The following LEP variants were observed in gnomAD, a reference collection of about 807,000 sequenced individuals.
LEP encodes the protein leptin, also known as leptin (murine obesity homolog).
LEP carries 6 observed loss-of-function variants against 9.8 expected under a neutral mutation model. The observed-to-expected ratio is 0.61, with a 90% CI of 0.34 to 1.21. The LOEUF (loss-of-function observed/expected upper bound fraction) is 1.21. Among genes scored for constraint, LEP ranks in the 50% most tolerant of loss-of-function variants. The pLI is 0.04. For missense variants in LEP, 134 were observed against 198.1 expected (o/e 0.68, Z 1.94); for synonymous variants, 112 against 81.7 (o/e 1.37, Z -2.00).
chr7:128,246,636 TA>T (rs71973524), intron 1 of LEP, among the ~76,000 whole-genome samples: 34,197 of 150,936 alleles, frequency 0.23, 4,888 homozygotes, highest in Admixed American at 0.32. Flanking sequence ...TTTTTATTTT[TA>T]TTTTTTTTAG....
chr7:128,244,538 A>G (rs1795189406), intron 1 of LEP, among the ~76,000 whole-genome samples: 1 of 152,252 alleles, frequency 6.6e-6, no homozygotes, highest in South Asian at 2.1e-4. Context: ...ACCCACGGTA[A>G]GGGTGAATTT....
intron 1 of LEP, among the ~76,000 whole-genome samples, chr7:128,243,864 A>G (rs529546177): frequency 6.6e-6 from 1 of 152,298 alleles, no homozygotes; most frequent in East Asian, 1.9e-4. Context: ...GTACAGAGAT[A>G]CAGGTGTCAT....
intron 1 of LEP, 37 bp downstream of exon 1, chr7:128,241,343 G>A (rs1352287525): frequency 6.5e-6 from 1 of 153,694 alleles, no homozygotes; most frequent in East Asian, 1.9e-4. Flanking sequence ...CTTCTCTGCT[G>A]GTCTTTCTTG....
At chr7:128,246,181 A>G (rs993337421) in intron 1 of LEP, among the ~76,000 whole-genome samples, 1 of 152,166 alleles carries the variant, frequency 6.6e-6, no homozygotes, top group African/African-American at 2.4e-5. Flanking sequence ...GTCTGCCTCC[A>G]TCTGCCTTGT....
In LEP at chr7:128,252,150, C is replaced by T. The variant is rs372064089; in HGVS notation, c.132C>T (p.Asp44=). Residue 44 remains aspartate, a synonymous_variant, in exon 2 of 3, where the codon GAC becomes GAT. Coordinates refer to ENST00000308868, the MANE Select transcript of LEP (RefSeq NM_000230.3). ...AGACAATTGTCACCAGGATCAATGA[C>T]ATTTCACACACGGTAAGGAGAGTAT... ...LIKTIVTRIN[D]ISHTQSVSSK... 44 of 1,614,192 alleles carry T rather than the reference C, an allele frequency of 2.7e-5. No homozygotes were observed. The highest frequency in any genetic ancestry group is 3.5e-5 in the Non-Finnish European group (41 of 1,180,020).
Position 128,254,532 on chromosome 7 carries a change from C to T in LEP, c.273C>T (p.Ser91=). 1 of 1,614,202 alleles carries T rather than the reference C, an allele frequency of 6.2e-7. No homozygotes were observed. The highest frequency in any genetic ancestry group is 8.5e-7 in the Non-Finnish European group (1 of 1,180,042). ...VYQQILTSMP[S]RNVIQISNDL... ...AACAGATCCTCACCAGTATGCCTTC[C>T]AGAAACGTGATCCAAATATCCAACG... The change falls in exon 3 of 3, where the codon TCC becomes TCT. Residue 91 remains serine, a synonymous_variant. Coordinates refer to ENST00000308868, the MANE Select transcript of LEP (RefSeq NM_000230.3).
chr7:128,254,721 G>A lies in LEP; in HGVS notation c.462G>A (p.Leu154=). The change falls in exon 3 of 3, where the codon CTG becomes CTA. Residue 154 remains leucine, a synonymous_variant. Transcript: ENST00000308868. The part of the protein sequence containing the change: ...VVALSRLQGS[L]QDMLWQLDLS... The stretch of plus-strand genomic sequence containing the variant: ...CCCTGAGCAGGCTGCAGGGGTCTCT[G>A]CAGGACATGCTGTGGCAGCTGGACC... The A allele has an allele frequency of 6.2e-7, 1 of 1,613,136 alleles. No individual in the cohort carries two copies.
chr7:128,248,156 C>T (rs1488433394), intron 1 of LEP, among the ~76,000 whole-genome samples: 1 of 151,574 alleles, frequency 6.6e-6, no homozygotes, highest in Admixed American at 6.6e-5. Context: ...TGAGGCTGGG[C>T]GTGATGACTC....
intron 1 of LEP, among the ~76,000 whole-genome samples, chr7:128,242,093 C>T (rs367989355): frequency 8.3e-4 from 126 of 152,320 alleles, no homozygotes; most frequent in Middle Eastern, 6.8e-3. Flanking sequence ...TGGGTGCCAT[C>T]GCCTTTACAC....
chr7:128,243,642 T>A (rs4236625), intron 1 of LEP, among the ~76,000 whole-genome samples: 137,861 of 152,202 alleles, frequency 0.91, 62,667 homozygotes, highest in Middle Eastern at 0.97. Context: ...AAGCATTTTC[T>A]GTCTTTATTA....
intron 1 of LEP, among the ~76,000 whole-genome samples, chr7:128,243,644 TCTTTATTAAGACAACTC>T (rs1292722451): frequency 3.3e-5 from 5 of 152,154 alleles, no homozygotes; most frequent in Admixed American, 6.5e-5. Context: ...GCATTTTCTG[TCTTTATTAAGACAACTC>T]CGTAAGAATT....
At chr7:128,244,875 A>G (rs1420592577) in intron 1 of LEP, among the ~76,000 whole-genome samples, 2 of 152,176 alleles carry the variant, frequency 1.3e-5, no homozygotes, top group African/African-American at 2.4e-5. Context: ...GCCCCACTCT[A>G]AATTCCTAAG....
chr7:128,254,921 C>G lies in LEP; in HGVS notation c.*158C>G. On this transcript the variant is annotated 3_prime_UTR_variant, in exon 3 of 3. Coordinates refer to ENST00000308868, the MANE Select transcript of LEP (RefSeq NM_000230.3). ...AAGCCACTCTTCCAAAGGCATAAGA[C>G]CCTAAGCCTCCTTTTGCTTGAAACC... The G allele has an allele frequency of 1.3e-6, 1 of 769,110 alleles. No individual in the cohort carries two copies. Among genetic ancestry groups the G allele is most frequent in the Admixed American group, 2.2e-5 (1 of 45,486 alleles). The allele number at this position is 769,110 out of a possible 1,614,324, so 47.6% of individuals were successfully genotyped here.
chr7:128,257,292 C>T lies in LEP; in HGVS notation c.*2529C>T, dbSNP rs548406290. 4.6e-5 allele frequency: 7 copies of T among 151,568 alleles called. No individual in the cohort carries two copies. The South Asian group carries it at 6.2e-4, about 14-fold the overall frequency. The allele number at this position is 151,568 out of a possible 1,614,324, so 9.4% of individuals were successfully genotyped here. A position where few individuals can be genotyped will look rare whatever the true frequency, so the allele number is the denominator to read the frequency against. On this transcript the variant is annotated 3_prime_UTR_variant, in exon 3 of 3. Transcript: ENST00000308868. ...TTAAAAAAAAAAAAAAAAGTTTGGC[C>T]GGGTGCGGTGGCTCACGCCTGTAAT...
At chr7:128,244,903 C>T (rs930370953) in intron 1 of LEP, among the ~76,000 whole-genome samples, 3 of 152,142 alleles carry the variant, frequency 2.0e-5, no homozygotes, top group African/African-American at 7.2e-5. Flanking sequence ...TTGATTGACC[C>T]AATCAGGGTC....
Position 128,252,059 on chromosome 7 carries a change from C to T in LEP, c.41C>T (p.Pro14Leu), listed in dbSNP as rs1036136017. 2 of 1,614,002 alleles carry T rather than the reference C, an allele frequency of 1.2e-6. No homozygotes were observed. The highest frequency in any genetic ancestry group is 2.7e-5 in the African/African-American group (2 of 74,906). ...CTGTGCGGATTCTTGTGGCTTTGGCCCTATCTTTTCTATGTCCAAGCTGTG... is the reference window on the plus strand; with the variant it reads ...CTGTGCGGATTCTTGTGGCTTTGGCTCTATCTTTTCTATGTCCAAGCTGTG... ...GTLCGFLWLW[P>L]YLFYVQAVPI... Residue 14 changes from proline (P) to leucine (L), a missense_variant, in exon 2 of 3, where the codon CCC becomes CTC. Coordinates refer to ENST00000308868, the MANE Select transcript of LEP (RefSeq NM_000230.3).
intron 2 of LEP, among the ~76,000 whole-genome samples, chr7:128,252,474 C>A (rs979562866): frequency 1.6e-4 from 25 of 152,162 alleles, no homozygotes; most frequent in African/African-American, 5.6e-4. Context: ...TTGTACCTGT[C>A]ATCCCAGCAC....
At chr7:128,242,777 G>A (rs1169194519) in intron 1 of LEP, among the ~76,000 whole-genome samples, 2 of 152,148 alleles carry the variant, frequency 1.3e-5, no homozygotes, top group Admixed American at 6.5e-5. Flanking sequence ...ATTCCTGCCC[G>A]TCAGCCCCAG....
rs1474915871 is a variant in LEP, at chr7:128,254,610, C to T, written c.351C>T (p.Cys117=). ...LLHVLAFSKS[C]HLPWASGLET... is the part of the protein sequence containing the mutation. ...ACGTGCTGGCCTTCTCTAAGAGCTG[C>T]CACTTGCCCTGGGCCAGTGGCCTGG... The change falls in exon 3 of 3, where the codon TGC becomes TGT. Residue 117 remains cysteine (C), a synonymous_variant. Transcript: ENST00000308868. 17 of 1,614,176 alleles carry T rather than the reference C, an allele frequency of 1.1e-5. No homozygotes were observed. The highest frequency in any genetic ancestry group is 2.2e-5 in the East Asian group (1 of 44,862).
Sources: allele counts gnomAD v4.1 joint callset (sites outside exome capture counted in the v4.1 genomes callset), GRCh38; gene constraint gnomAD v4.1.1; transcripts MANE v1.5; gene names NCBI Gene and HGNC (gene_info 2026-07-23, HGNC 2026-07-21).